MYO3B: variants seen among roughly 807,000 people sequenced by gnomAD.
The protein encoded by MYO3B is myosin IIIB.
A neutral mutation model predicts 174.6 loss-of-function variants in MYO3B; 156 were observed. The ratio of observed to expected loss-of-function variants is 0.89; its 90% CI spans 0.78 to 1.02. MYO3B has a LOEUF of 1.02. MYO3B is among the 50% of genes least tolerant of loss of function. The pLI, the probability that MYO3B is intolerant of heterozygous loss-of-function variation, is 0.00. For missense variants in MYO3B, 1,632 were observed against 1,639.4 expected, an observed-to-expected ratio of 1.00 and a Z score of 0.08; for synonymous variants, 563 against 569.1, an observed-to-expected ratio of 0.99 and a Z score of 0.15.
At chr2:170,404,679 C>T (rs2094499380) in intron 20 of MYO3B, among the ~76,000 whole-genome samples, 1 of 152,124 alleles carries the variant, frequency 6.6e-6, no homozygotes, top group Admixed American at 6.5e-5. Context: ...CCTCTCTCTT[C>T]TTTCCTATAG....
rs560653332 is a variant in MYO3B at position 170,643,068 on chromosome 2, C to T, written c.3734-8560C>T. Among the ~76,000 whole-genome samples, 9 of 151,944 alleles carry T rather than the reference C, an allele frequency of 5.9e-5. No individual in the cohort carries two copies. In the East Asian group the frequency reaches 9.7e-4, roughly 16 times the overall value. On this transcript the variant is annotated intron_variant, in intron 32 of 34. Coordinates refer to ENST00000408978, the MANE Select transcript of MYO3B (RefSeq NM_138995.5). Reference sequence around the variant, plus strand: ...AAAAATCCATGTCCAGGCTTTGACCCGGGCATTAGTATTTTAAAAGTTGAA... The same window carrying T: ...AAAAATCCATGTCCAGGCTTTGACCTGGGCATTAGTATTTTAAAAGTTGAA...
intron 7 of MYO3B, among the ~76,000 whole-genome samples, chr2:170,317,116 T>C (rs1224909043): frequency 6.6e-6 from 1 of 152,146 alleles, no homozygotes; most frequent in Non-Finnish European, 1.5e-5. Context: ...AGCAGGGAAG[T>C]TTCCCTAATG....
chr2:170,613,657 T>A (rs35019216), intron 32 of MYO3B, among the ~76,000 whole-genome samples: 3,557 of 152,284 alleles, frequency 0.023, 120 homozygotes, highest in African/African-American at 0.08. Flanking sequence ...AAGGAGATTA[T>A]CATTTGAGTC....
At position 170,424,400 on chromosome 2, in the gene MYO3B, CAAGG is replaced by C. The variant is rs2094644309; in HGVS notation, c.2650+16557_2650+16560del. 1.5e-4 allele frequency among the ~76,000 whole-genome samples: 23 copies of C among 152,240 alleles called. No individual in the cohort carries two copies. In the South Asian group the frequency reaches 4.8e-3, roughly 32 times the overall value. Reference sequence around the variant, plus strand: ...TTGGGAGGCCGAGGTGCATGGATCACAAGGTCAAGAGTTTGAGACCAGCTTGGCC... The same window carrying C: ...TTGGGAGGCCGAGGTGCATGGATCACTCAAGAGTTTGAGACCAGCTTGGCC... On this transcript the variant is annotated intron_variant, in intron 22 of 34. Transcript: ENST00000408978.
rs571830864 is a variant in MYO3B at position 170,351,953 on chromosome 2, T to C, written c.815+16503T>C. 2.0e-5 allele frequency among the ~76,000 whole-genome samples: 3 copies of C among 152,272 alleles called. No homozygotes were observed. In the East Asian group the frequency reaches 5.8e-4, roughly 29 times the overall value. On this transcript the variant is annotated intron_variant, in intron 8 of 34. Transcript: ENST00000408978. Reference sequence around the variant, plus strand: ...GCACAAGTTGTTTTTCTTTGTTTGGTTTTTTGTTGTTGTTTTTGAGATGGA... The same window carrying C: ...GCACAAGTTGTTTTTCTTTGTTTGGCTTTTTGTTGTTGTTTTTGAGATGGA...
intron 7 of MYO3B, among the ~76,000 whole-genome samples, chr2:170,325,588 ATAGATGC>A (rs1374961528): frequency 1.3e-5 from 2 of 152,142 alleles, no homozygotes; most frequent in Non-Finnish European, 2.9e-5. Flanking sequence ...ACCCAAACTG[ATAGATGC>A]TAGAGGATGA....
intron 30 of MYO3B, among the ~76,000 whole-genome samples, chr2:170,525,778 C>T (rs1279228184): frequency 6.6e-6 from 1 of 152,204 alleles, no homozygotes; most frequent in African/African-American, 2.4e-5. Context: ...GAGAAACAGC[C>T]TCCCAGTCAG....
intron 6 of MYO3B, among the ~76,000 whole-genome samples, chr2:170,221,660 G>C (rs1344204021): frequency 6.6e-6 from 1 of 152,184 alleles, no homozygotes; most frequent in Non-Finnish European, 1.5e-5. Context: ...TAGTGTATTA[G>C]AACTTTGAAA....
intron 25 of MYO3B, among the ~76,000 whole-genome samples, chr2:170,468,212 T>C (rs1208008092): frequency 1.3e-5 from 2 of 152,250 alleles, no homozygotes; most frequent in Non-Finnish European, 2.9e-5. Context: ...TCCCTTGATG[T>C]TATTCAACAA....
At position 170,230,173 on chromosome 2, in the gene MYO3B, T is replaced by G. The variant is rs1490737937; in HGVS notation, c.604-5818T>G. ...CTCATGGGGACCTAGTTTTTTTTTTTGTTTTTTTTTTTTCGAGACAGAGTC... is the reference window on the plus strand; with the variant it reads ...CTCATGGGGACCTAGTTTTTTTTTTGGTTTTTTTTTTTTCGAGACAGAGTC... On this transcript the variant is annotated intron_variant, in intron 6 of 34. Transcript: ENST00000408978. Among the ~76,000 whole-genome samples, 138 of 150,080 alleles carry G rather than the reference T, an allele frequency of 9.2e-4. 1 individual carries two copies. The highest frequency in any genetic ancestry group is 3.2e-3 in the African/African-American group (132 of 40,804).
chr2:170,508,167 G>T (rs1306322026), intron 28 of MYO3B, among the ~76,000 whole-genome samples: 1 of 152,114 alleles, frequency 6.6e-6, no homozygotes, highest in African/African-American at 2.4e-5. Context: ...GGACGCCAGG[G>T]TTAGAGCCTA....
At chr2:170,546,731 T>C (rs531616624) in intron 32 of MYO3B, among the ~76,000 whole-genome samples, 1 of 152,358 alleles carries the variant, frequency 6.6e-6, no homozygotes, top group East Asian at 1.9e-4. Context: ...TAGCAAATTA[T>C]ACCTTTGTGT....
intron 7 of MYO3B, among the ~76,000 whole-genome samples, chr2:170,291,098 A>C (rs2093592680): frequency 6.6e-6 from 1 of 151,988 alleles, no homozygotes; most frequent in South Asian, 2.1e-4. Context: ...AAAATACAAA[A>C]ATTAGCCAGG....
At chr2:170,514,892 T>G in intron 28 of MYO3B, 29 bp from the exon 29 acceptor site, 3 of 1,599,640 alleles carry the variant, frequency 1.9e-6, no homozygotes, top group Non-Finnish European at 2.6e-6. Flanking sequence ...AGCATAACCT[T>G]GAGAAAGTCT....
intron 3 of MYO3B, among the ~76,000 whole-genome samples, chr2:170,208,794 A>G (rs185620302): frequency 3.2e-4 from 48 of 152,324 alleles, no homozygotes; most frequent in Admixed American, 1.8e-3. Flanking sequence ...ACTTGACCTG[A>G]TTATTTGCAT....
intron 25 of MYO3B, among the ~76,000 whole-genome samples, chr2:170,478,549 ACAC>A (rs1383228258): frequency 7.3e-6 from 1 of 136,544 alleles, no homozygotes; most frequent in Non-Finnish European, 1.6e-5. Context: ...ACACACACAC[ACAC>A]ACACACACAG....
chr2:170,614,346 G>C (rs1431728703), intron 32 of MYO3B, among the ~76,000 whole-genome samples: 1 of 152,202 alleles, frequency 6.6e-6, no homozygotes, highest in African/African-American at 2.4e-5. Context: ...CATAGTAGCT[G>C]TTATGATGGG....
At chr2:170,405,756 A>C in intron 21 of MYO3B, 123 bp downstream of exon 21, 3 of 776,052 alleles carry the variant, frequency 3.9e-6, no homozygotes, top group Non-Finnish European at 6.1e-6. Context: ...CTTCCTGAAT[A>C]CCTAATCATA....
chr2:170,381,921 C>G (rs2094338455), intron 9 of MYO3B, 95 bp from the exon 10 acceptor site: 1 of 1,006,376 alleles, frequency 9.9e-7, no homozygotes, highest in Admixed American at 1.8e-5. Context: ...CTGAACATAT[C>G]ACGTGATAAG....
Sources: gnomAD v4.1 joint callset for allele counts (sites outside exome capture counted in the v4.1 genomes callset) on GRCh38, gnomAD v4.1.1 for gene constraint, MANE v1.5 for transcripts, NCBI Gene and HGNC (gene_info 2026-07-23, HGNC 2026-07-21) for gene names.